ZNF804B: variants seen among roughly 807,000 people sequenced by gnomAD.
ZNF804B encodes zinc finger 804B.
ZNF804B carries 80 observed loss-of-function variants against 101.4 expected under a neutral mutation model. That is an observed-to-expected ratio of 0.79 (90% confidence interval 0.66 to 0.95). ZNF804B has a LOEUF of 0.95. ZNF804B is among the 40% of genes least tolerant of loss of function. The pLI is 0.00. For synonymous variants in ZNF804B, 622 were observed against 558.8 expected (o/e 1.11, Z -1.59); for missense variants, 1,673 against 1,561.9 (o/e 1.07, Z -1.20).
In ZNF804B at chr7:89,094,321, T is replaced by A. The variant is rs184949810; in HGVS notation, c.109-123834T>A. Among the ~76,000 whole-genome samples, 366 of 152,324 alleles carry A rather than the reference T, an allele frequency of 2.4e-3. 3 individuals are homozygous for A. The highest frequency in any genetic ancestry group is 2.1e-3 in the Non-Finnish European group (145 of 68,022). ...TTTGTTTTCAAATGTTTATTTAACC[T>A]CTGTATGTGTGTGTGTATATATACA... On this transcript the variant is annotated intron_variant, in intron 1 of 3. Coordinates refer to ENST00000333190, the MANE Select transcript of ZNF804B (RefSeq NM_181646.5).
At chr7:89,135,049 T>C (rs1297784797) in intron 1 of ZNF804B, among the ~76,000 whole-genome samples, 1 of 152,104 alleles carries the variant, frequency 6.6e-6, no homozygotes, top group Non-Finnish European at 1.5e-5. Flanking sequence ...TAGGCACTAG[T>C]TTTCAGCTAC....
At chr7:89,120,253 ACTCCAGC>A (rs1790380397) in intron 1 of ZNF804B, among the ~76,000 whole-genome samples, 1 of 152,100 alleles carries the variant, frequency 6.6e-6, no homozygotes, top group Non-Finnish European at 1.5e-5. Context: ...GCACCACTGC[ACTCCAGC>A]CTGGGCAACC....
At chr7:88,767,532 A>G (rs1326328145) in intron 1 of ZNF804B, among the ~76,000 whole-genome samples, 7 of 152,238 alleles carry the variant, frequency 4.6e-5, no homozygotes, top group Non-Finnish European at 8.8e-5. Flanking sequence ...CATATTCCAA[A>G]CAAAAATGGC....
intron 1 of ZNF804B, among the ~76,000 whole-genome samples, chr7:88,801,430 T>C (rs1208727317): frequency 6.6e-6 from 1 of 152,020 alleles, no homozygotes; most frequent in Non-Finnish European, 1.5e-5. Flanking sequence ...ATTATAACTG[T>C]TTAGGAAGTT....
chr7:89,337,984 G>T lies in ZNF804B; in HGVS notation c.*952G>T, dbSNP rs1791129782. Among the ~76,000 whole-genome samples, 1 of 151,634 alleles carries T rather than the reference G, an allele frequency of 6.6e-6. No homozygotes were observed. The highest frequency in any genetic ancestry group is 1.5e-5 in the Non-Finnish European group (1 of 67,852). On this transcript the variant is annotated 3_prime_UTR_variant, in exon 4 of 4. Coordinates refer to ENST00000333190, the MANE Select transcript of ZNF804B (RefSeq NM_181646.5). ...ATTGAGGATATCTTATTAAATATCT[G>T]GTGTGTTTTATTCAATTGTACTAGA...
chr7:88,773,955 A>G (rs1021546327), intron 1 of ZNF804B, among the ~76,000 whole-genome samples: 4 of 152,110 alleles, frequency 2.6e-5, no homozygotes, highest in African/African-American at 9.7e-5. Context: ...ACAATTCAAC[A>G]TGAGATTTGG....
chr7:88,775,652 A>T (rs1409146495), intron 1 of ZNF804B, among the ~76,000 whole-genome samples: 1 of 152,212 alleles, frequency 6.6e-6, no homozygotes, highest in African/African-American at 2.4e-5. Context: ...CATGTGCAGT[A>T]AATTCAGGAT....
chr7:88,794,794 A>T (rs1030716521), intron 1 of ZNF804B: 1 of 1,613,718 alleles, frequency 6.2e-7, no homozygotes, highest in South Asian at 1.1e-5. Context: ...CACTAGAAAC[A>T]TCCTATCAAG....
chr7:88,854,527 TTTCCTTCCTTCC>T (rs1207265464), intron 1 of ZNF804B, among the ~76,000 whole-genome samples: 35 of 40,052 alleles, frequency 8.7e-4, no homozygotes, highest in African/African-American at 2.0e-3. Flanking sequence ...CTTTCCTTCC[TTTCCTTCCTTCC>T]TTCCTTCCTT....
intron 1 of ZNF804B, among the ~76,000 whole-genome samples, chr7:89,137,893 C>T (rs1166094547): frequency 6.6e-6 from 1 of 151,976 alleles, no homozygotes; most frequent in African/African-American, 2.4e-5. Context: ...TGGGTCAGAC[C>T]ATGAGTCCCC....
At chr7:88,797,785 C>G (rs1402700713) in intron 1 of ZNF804B, among the ~76,000 whole-genome samples, 1 of 152,088 alleles carries the variant, frequency 6.6e-6, no homozygotes, top group African/African-American at 2.4e-5. Context: ...CCAGGATGTA[C>G]TGTTCCACCT....
chr7:89,311,459 T>TGGATGGAATGCCA (rs974116756), intron 2 of ZNF804B, among the ~76,000 whole-genome samples: 14 of 152,184 alleles, frequency 9.2e-5, no homozygotes, highest in Non-Finnish European at 2.9e-5. Flanking sequence ...TGGTATAGAC[T>TGGATGGAATGCCA]GTGATGGAAT....
At chr7:89,298,148 A>G (rs1790412664) in intron 2 of ZNF804B, among the ~76,000 whole-genome samples, 1 of 135,576 alleles carries the variant, frequency 7.4e-6, no homozygotes. Context: ...TATATCATAT[A>G]TATAGTATAT....
intron 1 of ZNF804B, among the ~76,000 whole-genome samples, chr7:89,147,933 A>G (rs1318202165): frequency 6.6e-6 from 1 of 151,936 alleles, no homozygotes; most frequent in African/African-American, 2.4e-5. Context: ...ATTATATATT[A>G]CAATGAAATA....
intron 2 of ZNF804B, among the ~76,000 whole-genome samples, chr7:89,245,449 T>A (rs1402264176): frequency 5.3e-5 from 8 of 152,082 alleles, no homozygotes; most frequent in Non-Finnish European, 1.0e-4. Flanking sequence ...GTAAAAATTA[T>A]AGCCGTTTAA....
intron 1 of ZNF804B, among the ~76,000 whole-genome samples, chr7:88,915,954 A>G (rs945728667): frequency 2.0e-5 from 3 of 151,988 alleles, no homozygotes; most frequent in Admixed American, 1.3e-4. Context: ...AATGAAAATA[A>G]TTCAAATGGC....
intron 1 of ZNF804B, among the ~76,000 whole-genome samples, chr7:89,155,961 T>C (rs1236807170): frequency 6.7e-6 from 1 of 148,842 alleles, no homozygotes; most frequent in African/African-American, 2.5e-5. Flanking sequence ...CCTTCCCTCC[T>C]CTGTCTCTCT....
intron 1 of ZNF804B, among the ~76,000 whole-genome samples, chr7:89,048,883 T>G (rs1281222749): frequency 1.3e-5 from 2 of 151,900 alleles, no homozygotes; most frequent in Admixed American, 6.6e-5. Flanking sequence ...AAAAAGATGC[T>G]TTTAGAGAAG....
chr7:89,065,400 A>G (rs1789443124), intron 1 of ZNF804B, among the ~76,000 whole-genome samples: 1 of 152,146 alleles, frequency 6.6e-6, no homozygotes, highest in Non-Finnish European at 1.5e-5. Flanking sequence ...CTCAGCCCAT[A>G]GGGCTTCTGC....
Sources: allele counts gnomAD v4.1 joint callset (sites outside exome capture counted in the v4.1 genomes callset), GRCh38; gene constraint gnomAD v4.1.1; transcripts MANE v1.5; gene names NCBI Gene and HGNC (gene_info 2026-07-23, HGNC 2026-07-21).